EXD3: variants seen among roughly 807,000 people sequenced by gnomAD.
EXD3 encodes exonuclease mut-7 homolog.
In EXD3, 92 loss-of-function variants were observed where a neutral mutation model predicts 98.0. That is an observed-to-expected ratio of 0.94 (90% CI 0.79 to 1.12). EXD3 has a LOEUF of 1.12. Ranked by LOEUF, EXD3 falls within the 50% of genes most tolerant of loss-of-function variation. The pLI is 0.00. For missense variants in EXD3, 1,222 were observed against 1,191.6 expected, an observed-to-expected ratio of 1.03 and a Z score of -0.38; for synonymous variants, 569 against 526.0, an observed-to-expected ratio of 1.08 and a Z score of -1.12.
intron 14 of EXD3, 133 bp downstream of exon 14, chr9:137,350,904 TG>T: frequency 1.4e-6 from 1 of 700,330 alleles, no homozygotes; most frequent in African/African-American, 1.8e-5. Flanking sequence ...TCTGGGGCCC[TG>T]GTGACTGAGG....
rs1186988096 is a variant in EXD3 at position 137,354,380 on chromosome 9, G to A, written c.832-3C>T. ...CAGTTCTCCTGTGACAGGCTCTTCT[G>A]CAAAGGCAAACAGGAAGGGGCGGTT... On this transcript the variant is annotated splice_region_variant and splice_polypyrimidine_tract_variant and intron_variant, in intron 9 of 21. Coordinates refer to ENST00000340951, the MANE Select transcript of EXD3 (RefSeq NM_017820.5). The A allele has an allele frequency of 1.9e-6, 3 of 1,612,316 alleles. No individual in the cohort carries two copies. Among genetic ancestry groups the A allele is most frequent in the Non-Finnish European group, 8.5e-7 (1 of 1,179,632 alleles).
chr9:137,351,383 T>C lies in EXD3; in HGVS notation c.1319A>G (p.Gln440Arg). 3.1e-6 allele frequency: 5 copies of C among 1,611,188 alleles called. No homozygotes were observed. In the South Asian group the frequency reaches 4.4e-5, roughly 14 times the overall value. Residue 440 changes from glutamine to arginine, a missense_variant, in exon 13 of 22, where the codon CAG (glutamine) becomes CGG (arginine). Transcript: ENST00000340951. ...VLALSQPPTG[Q>R]GAQAFSRLVA... ...CAGCCGGGAAAAGGCCTGGGCTCCC[T>C]GCCCTGTTGGTGGCTGCGAGAGTGC... is the stretch of plus-strand genomic sequence containing the variant.
At chr9:137,335,276 A>G (rs1783636096) in intron 17 of EXD3, among the ~76,000 whole-genome samples, 1 of 152,158 alleles carries the variant, frequency 6.6e-6, no homozygotes, top group Non-Finnish European at 1.5e-5. Flanking sequence ...AAGAAGATAT[A>G]CAGATACGCA....
intron 3 of EXD3, among the ~76,000 whole-genome samples, chr9:137,376,908 G>A (rs1479486238): frequency 1.5e-5 from 2 of 134,044 alleles, no homozygotes; most frequent in African/African-American, 3.0e-5. Flanking sequence ...CAGGCTGGGC[G>A]ACAAGAGAGA....
intron 19 of EXD3, among the ~76,000 whole-genome samples, chr9:137,313,112 CCT>C (rs957030839): frequency 1.3e-5 from 2 of 152,194 alleles, no homozygotes; most frequent in African/African-American, 4.8e-5. Context: ...CCCACCCACC[CCT>C]GAGGCCTTGG....
Position 137,347,456 on chromosome 9 carries a change from T to C in EXD3, c.1998+615A>G, listed in dbSNP as rs1357194231. Among the ~76,000 whole-genome samples, 1 of 152,060 alleles carries C rather than the reference T, an allele frequency of 6.6e-6. No individual in the cohort carries two copies. The highest frequency in any genetic ancestry group is 1.9e-4 in the East Asian group (1 of 5,192). ...GTTCCATTCCTGCTTTTTTTCTTTT[T>C]TTTTTAAGATGGAGTCTTGCTCTGT... On this transcript the variant is annotated intron_variant, in intron 17 of 21. Transcript: ENST00000340951. This position sits in a 1 kb window ranked among gnomAD's most constrained non-coding sequence, Gnocchi z 4.2.
At chr9:137,312,889 CACCTG>C (rs1005036566) in intron 19 of EXD3, among the ~76,000 whole-genome samples, 9 of 152,254 alleles carry the variant, frequency 5.9e-5, no homozygotes, top group African/African-American at 1.7e-4. Context: ...TCTGTGTGCC[CACCTG>C]ACCTGACCTG....
Position 137,352,776 on chromosome 9 carries a change from C to T in EXD3, c.881G>A (p.Gly294Glu). 2 of 1,581,488 alleles carry T rather than the reference C, an allele frequency of 1.3e-6. No individual in the cohort carries two copies. Among genetic ancestry groups the T allele is most frequent in the Non-Finnish European group, 1.7e-6 (2 of 1,165,900 alleles). Residue 294 changes from glycine to glutamate, a missense_variant, in exon 11 of 22, where the codon GGG becomes GAG. Transcript: ENST00000340951. ...NWTDHVQGLVGQSPWLQEQLS... is the reference protein window; with the variant it reads ...NWTDHVQGLVEQSPWLQEQLS... ...CTGCTCCTGAAGCCACGGGCTCTGCCCCACCAGGCCCTGTGAGGAGGGTGG... is the reference window on the plus strand; with the variant it reads ...CTGCTCCTGAAGCCACGGGCTCTGCTCCACCAGGCCCTGTGAGGAGGGTGG...
intron 2 of EXD3, among the ~76,000 whole-genome samples, chr9:137,391,556 C>T (rs888440774): frequency 4.6e-5 from 7 of 151,856 alleles, no homozygotes; most frequent in African/African-American, 1.2e-4. Context: ...GCCAGAGGGC[C>T]GGCCTCCCCG....
chr9:137,408,931 A>T (rs904552090), intron 1 of EXD3, among the ~76,000 whole-genome samples: 1 of 152,174 alleles, frequency 6.6e-6, no homozygotes, highest in African/African-American at 2.4e-5. Context: ...ATGAACTTGT[A>T]CAAGGCCCCG....
intron 8 of EXD3, 86 bp downstream of exon 8, chr9:137,356,182 G>T (rs1834776315): frequency 9.8e-7 from 1 of 1,023,850 alleles, no homozygotes; most frequent in Non-Finnish European, 1.4e-6. Context: ...CTGAACAACG[G>T]GCAGCCCCAG....
At chr9:137,362,937 A>C (rs886434879) in intron 7 of EXD3, among the ~76,000 whole-genome samples, 2 of 151,894 alleles carry the variant, frequency 1.3e-5, no homozygotes, top group Non-Finnish European at 2.9e-5. Flanking sequence ...CAGCCTCCTG[A>C]GTAGCTGGGA....
chr9:137,379,756 C>T (rs1037789632), intron 3 of EXD3, among the ~76,000 whole-genome samples: 36 of 152,078 alleles, frequency 2.4e-4, no homozygotes, highest in African/African-American at 7.7e-4. Flanking sequence ...TGCGCTCTCG[C>T]CCAGGCTGGT....
chr9:137,307,285 C>A, intron 21 of EXD3, 22 bp from the exon 22 acceptor site: 3 of 1,469,274 alleles, frequency 2.0e-6, no homozygotes, highest in Non-Finnish European at 2.7e-6. Context: ...GAAGTGGACT[C>A]CCTGAGCCCT....
At position 137,355,698 on chromosome 9, in the gene EXD3, G is replaced by A. The variant is rs929579696; in HGVS notation, c.757+570C>T. 4.6e-3 allele frequency among the ~76,000 whole-genome samples: 356 copies of A among 76,896 alleles called. 2 individuals are homozygous for A. Among genetic ancestry groups the A allele is most frequent in the East Asian group, 0.022 (33 of 1,476 alleles). 50.4% of individuals were successfully genotyped at this position (76,896 alleles called of 152,430 possible). On this transcript the variant is annotated intron_variant, in intron 8 of 21. Coordinates refer to ENST00000340951, the MANE Select transcript of EXD3 (RefSeq NM_017820.5). ...GAGGATGGAGGAAGGAGAAAGGGAG[G>A]AAGGAGGAAGGAGGAAGGAGGAAGG...
intron 2 of EXD3, among the ~76,000 whole-genome samples, chr9:137,394,787 AG>A (rs1837124044): frequency 6.6e-6 from 1 of 152,098 alleles, no homozygotes; most frequent in South Asian, 2.1e-4. Flanking sequence ...AGCTGCTGGG[AG>A]GGCAGATGTT....
At chr9:137,356,160 C>T in intron 8 of EXD3, 108 bp downstream of exon 8, 1 of 820,288 alleles carries the variant, frequency 1.2e-6, no homozygotes, top group Non-Finnish European at 1.9e-6. Context: ...GAAGGTTGGT[C>T]TTGGTTGGCA....
At chr9:137,334,800 A>G (rs1460937468) in intron 17 of EXD3, among the ~76,000 whole-genome samples, 2 of 152,182 alleles carry the variant, frequency 1.3e-5, no homozygotes, top group South Asian at 2.1e-4. Context: ...ACCAGCCCAC[A>G]AGGCCGGTGG....
At chr9:137,399,675 T>C (rs1837388419) in intron 1 of EXD3, among the ~76,000 whole-genome samples, 1 of 152,156 alleles carries the variant, frequency 6.6e-6, no homozygotes, top group Non-Finnish European at 1.5e-5. Context: ...GGACTTATGG[T>C]TCCACATGGC....
Sources: allele counts gnomAD v4.1 joint callset (sites outside exome capture counted in the v4.1 genomes callset), GRCh38; gene constraint gnomAD v4.1.1; non-coding constraint Gnocchi (gnomAD v3.1); transcripts MANE v1.5; gene names NCBI Gene and HGNC (gene_info 2026-07-23, HGNC 2026-07-21).